The following FBN1 variants were observed in gnomAD, a reference collection of about 807,000 sequenced individuals.
The protein encoded by FBN1 is fibrillin-1.
In FBN1, 29 loss-of-function variants were observed where a neutral mutation model predicts 365.1. That is an observed-to-expected ratio of 0.08 (90% CI 0.06 to 0.11). The LOEUF (loss-of-function observed/expected upper bound fraction) is 0.11. Ranked by LOEUF, FBN1 falls within the 10% of genes least tolerant of loss-of-function variation. The pLI, the probability that FBN1 is intolerant of heterozygous loss-of-function variation, is 1.00. For synonymous variants in FBN1, 1,210 were observed against 1,270.5 expected (o/e 0.95, Z 1.01); for missense variants, 2,476 against 3,703.2 (o/e 0.67, Z 8.60).
At chr15:48,636,070 G>C (rs1265269916) in intron 2 of FBN1, among the ~76,000 whole-genome samples, 1 of 152,190 alleles carries the variant, frequency 6.6e-6, no homozygotes, top group African/African-American at 2.4e-5. Context: ...TCCCCTCCCA[G>C]CAGACACATG....
chr15:48,435,808 G>A (rs900829903), intron 53 of FBN1, among the ~76,000 whole-genome samples: 2 of 134,604 alleles, frequency 1.5e-5, no homozygotes, highest in African/African-American at 6.0e-5. Flanking sequence ...GTGTGTGTGT[G>A]TGTATATATG....
intron 10 of FBN1, among the ~76,000 whole-genome samples, chr15:48,520,201 C>CA (rs890374416): frequency 2.7e-5 from 4 of 145,566 alleles, no homozygotes; most frequent in East Asian, 4.0e-4. Flanking sequence ...CTAATAGAAA[C>CA]AAAAAAATGG....
Position 48,577,625 on chromosome 15 carries a change from TA to T in FBN1, c.538+18657del, listed in dbSNP as rs1404331175. On this transcript the variant is annotated intron_variant, in intron 6 of 65. Transcript: ENST00000316623. The stretch of plus-strand genomic sequence containing the variant: ...AAAACAGACAGACTGGCCTCTTAAA[TA>T]AACAAAGCCTGTTATTTCTTGAATT... Among the ~76,000 whole-genome samples, 58 of 152,282 alleles carry T rather than the reference TA, an allele frequency of 3.8e-4. 1 individual carries two copies. Among genetic ancestry groups the T allele is most frequent in the Non-Finnish European group, 1.5e-4 (10 of 68,018 alleles).
At chr15:48,525,818 G>T (rs1013758875) in intron 9 of FBN1, among the ~76,000 whole-genome samples, 3 of 152,094 alleles carry the variant, frequency 2.0e-5, no homozygotes, top group Non-Finnish European at 4.4e-5. Flanking sequence ...GAAGGTGGGG[G>T]TAAAAAGAGA....
chr15:48,635,514 T>C (rs1385541818), intron 2 of FBN1, among the ~76,000 whole-genome samples: 1 of 152,206 alleles, frequency 6.6e-6, no homozygotes, highest in Non-Finnish European at 1.5e-5. Context: ...TTTTTACTTA[T>C]TAGTATAACC....
intron 60 of FBN1, among the ~76,000 whole-genome samples, chr15:48,424,117 A>G (rs2042961916): frequency 6.6e-6 from 1 of 152,196 alleles, no homozygotes; most frequent in Non-Finnish European, 1.5e-5. Context: ...CATTGCCTAG[A>G]ACTCACAGTG....
intron 3 of FBN1, among the ~76,000 whole-genome samples, chr15:48,611,081 A>G (rs921557368): frequency 6.6e-6 from 1 of 152,132 alleles, no homozygotes; most frequent in African/African-American, 2.4e-5. Flanking sequence ...AGTCCACAGC[A>G]CTCAATCCAT....
intron 55 of FBN1, among the ~76,000 whole-genome samples, chr15:48,431,553 G>A (rs984057526): frequency 1.3e-5 from 2 of 151,734 alleles, no homozygotes; most frequent in African/African-American, 4.8e-5. Flanking sequence ...ATATGATAAG[G>A]CAATAATTAT....
At chr15:48,609,674 C>A (rs999662045) in intron 4 of FBN1, among the ~76,000 whole-genome samples, 5 of 152,174 alleles carry the variant, frequency 3.3e-5, no homozygotes, top group Non-Finnish European at 7.3e-5. Flanking sequence ...TCCACTAACC[C>A]CCAGCACTTC....
chr15:48,422,147 C>T (rs2042948831), intron 60 of FBN1, 79 bp from the exon 61 acceptor site: 2 of 978,316 alleles, frequency 2.0e-6, no homozygotes, highest in African/African-American at 3.2e-5. Context: ...GAAGCAGCTC[C>T]ACGTTTGATT....
At position 48,411,382 on chromosome 15, in the gene FBN1, G is replaced by A. The variant is rs200822151; in HGVS notation, c.8227-3C>T. 4.7e-5 allele frequency: 76 copies of A among 1,613,380 alleles called. No homozygotes were observed. The highest frequency in any genetic ancestry group is 6.2e-5 in the Non-Finnish European group (73 of 1,179,822). On this transcript the variant is annotated splice_region_variant and splice_polypyrimidine_tract_variant and intron_variant, in intron 65 of 65. Coordinates refer to ENST00000316623, the MANE Select transcript of FBN1 (RefSeq NM_000138.5). ...TTGGCTTCTGTCTCAGACTGATCCTGGAAAGACACATGGCAATATGTTAAA... is the reference window on the plus strand; with the variant it reads ...TTGGCTTCTGTCTCAGACTGATCCTAGAAAGACACATGGCAATATGTTAAA...
chr15:48,618,426 CCT>C lies in FBN1; in HGVS notation c.165-5336_165-5335del, dbSNP rs1214074955. Among the ~76,000 whole-genome samples, 14 of 152,244 alleles carry C rather than the reference CCT, an allele frequency of 9.2e-5. No individual in the cohort carries two copies. In the East Asian group the frequency reaches 1.9e-3, roughly 21 times the overall value. On this transcript the variant is annotated intron_variant, in intron 2 of 65. Coordinates refer to ENST00000316623, the MANE Select transcript of FBN1 (RefSeq NM_000138.5). ...TCTAACGAACCTTTCAAATATTCCC[CCT>C]CTTTATTTTAGTGCCTTTATTCTGG...
At chr15:48,642,974 C>A (rs1890224600) in intron 2 of FBN1, 1 of 152,152 alleles carries the variant, frequency 6.6e-6, no homozygotes, top group Admixed American at 6.6e-5. Context: ...TTTTCACATT[C>A]CCAAGGGAAC....
At chr15:48,613,660 GCTCACGC>G (rs1158037968) in intron 2 of FBN1, among the ~76,000 whole-genome samples, 11 of 152,194 alleles carry the variant, frequency 7.2e-5, no homozygotes, top group African/African-American at 2.7e-4. Context: ...AGGCGCGGTG[GCTCACGC>G]CTGTAATCCC....
intron 23 of FBN1, 61 bp from the exon 24 acceptor site, chr15:48,492,647 T>C: frequency 7.9e-7 from 1 of 1,268,836 alleles, no homozygotes; most frequent in East Asian, 2.5e-5. Flanking sequence ...TACCTTATTC[T>C]ACTCATAGAG....
At chr15:48,576,973 C>T (rs926402841) in intron 6 of FBN1, among the ~76,000 whole-genome samples, 8 of 152,056 alleles carry the variant, frequency 5.3e-5, no homozygotes, top group African/African-American at 1.4e-4. Flanking sequence ...TTTTTATTGC[C>T]CTCATATAAG....
At chr15:48,504,398 G>A (rs1234489296) in intron 16 of FBN1, among the ~76,000 whole-genome samples, 1 of 152,156 alleles carries the variant, frequency 6.6e-6, no homozygotes, top group Admixed American at 6.5e-5. Context: ...TTTCCAAAAA[G>A]GAGAAAGTTT....
Position 48,578,389 on chromosome 15 carries a change from G to T in FBN1, c.538+17894C>A, listed in dbSNP as rs180737737. 2.2e-4 allele frequency among the ~76,000 whole-genome samples: 33 copies of T among 152,296 alleles called. 1 individual carries two copies. Among genetic ancestry groups the T allele is most frequent in the Non-Finnish European group, 1.3e-4 (9 of 68,022 alleles). On this transcript the variant is annotated intron_variant, in intron 6 of 65. Coordinates refer to ENST00000316623, the MANE Select transcript of FBN1 (RefSeq NM_000138.5). Reference sequence around the variant, plus strand: ...GCAATACTGTGAACTGGATCCACTAGAAGTGTCTGTGGTTTGACGTATCCT... The same window carrying T: ...GCAATACTGTGAACTGGATCCACTATAAGTGTCTGTGGTTTGACGTATCCT...
At chr15:48,417,814 A>C (rs2042913912) in intron 63 of FBN1, among the ~76,000 whole-genome samples, 1 of 152,170 alleles carries the variant, frequency 6.6e-6, no homozygotes, top group South Asian at 2.1e-4. Context: ...ACTTCATTGG[A>C]GAGAACACCC....
Sources: allele counts gnomAD v4.1 joint callset (sites outside exome capture counted in the v4.1 genomes callset), GRCh38; gene constraint gnomAD v4.1.1; transcripts MANE v1.5; gene names NCBI Gene and HGNC (gene_info 2026-07-23, HGNC 2026-07-21).